TET1: variants seen among roughly 807,000 people sequenced by gnomAD.
TET1 encodes tet methylcytosine dioxygenase 1.
In TET1, 13 loss-of-function variants were observed where a neutral mutation model predicts 148.7. The observed-to-expected ratio is 0.09, with a 90% CI of 0.06 to 0.14. The LOEUF (loss-of-function observed/expected upper bound fraction) is 0.14. Ranked by LOEUF, TET1 falls within the 10% of genes least tolerant of loss-of-function variation. TET1 has a pLI of 1.00. For synonymous variants in TET1, 907 were observed against 937.2 expected, an observed-to-expected ratio of 0.97 and a Z score of 0.59; for missense variants, 2,182 against 2,553.8, an observed-to-expected ratio of 0.85 and a Z score of 3.14.
At chr10:68,600,309 G>C (rs1017532630) in intron 2 of TET1, among the ~76,000 whole-genome samples, 1 of 152,148 alleles carries the variant, frequency 6.6e-6, no homozygotes, top group Non-Finnish European at 1.5e-5. Flanking sequence ...TTACTAATCA[G>C]GAAGGCTCTA....
chr10:68,593,715 C>T (rs1056008601), intron 2 of TET1, among the ~76,000 whole-genome samples: 4 of 151,930 alleles, frequency 2.6e-5, no homozygotes, highest in East Asian at 1.9e-4. Context: ...CAGGTTCAAG[C>T]GATTATCCTG....
At chr10:68,676,262 ATATATATTTTTTTTTTTTT>A (rs2055356835) in intron 8 of TET1, among the ~76,000 whole-genome samples, 1 of 15,486 alleles carries the variant, frequency 6.5e-5, no homozygotes, top group African/African-American at 2.1e-4. Context: ...ATATATATAT[ATATATATTTTTTTTTTTTT>A]TTTTTTTTTT....
chr10:68,661,021 T>G (rs2133151924), intron 6 of TET1, among the ~76,000 whole-genome samples: 2 of 151,282 alleles, frequency 1.3e-5, no homozygotes, highest in African/African-American at 4.8e-5. Context: ...ATATTAGTTG[T>G]TTTTTGTTTT....
At position 68,572,520 on chromosome 10, in the gene TET1, A is replaced by T. The variant is rs1036659017; in HGVS notation, c.182A>T (p.Lys61Ile). The T allele has an allele frequency of 1.2e-6, 2 of 1,613,556 alleles. No homozygotes were observed. ...QLIQERDVKK[K>I]TEPKPPVPVR... is the part of the protein sequence containing the mutation. ...ATTCAAGAAAGAGATGTTAAGAAAA[A>T]AACAGAACCTAAACCACCCGTGCCA... is the stretch of plus-strand genomic sequence containing the variant. Residue 61 changes from lysine to isoleucine, a missense_variant, in exon 2 of 12, where the codon AAA becomes ATA. Transcript: ENST00000373644.
chr10:68,584,704 G>C (rs1015172402), intron 2 of TET1, among the ~76,000 whole-genome samples: 1 of 151,810 alleles, frequency 6.6e-6, no homozygotes, highest in African/African-American at 2.4e-5. Context: ...GTGAGACTCC[G>C]TCTCAGGGAA....
chr10:68,579,859 C>T (rs146766953), intron 2 of TET1, among the ~76,000 whole-genome samples: 335 of 152,238 alleles, frequency 2.2e-3, no homozygotes, highest in African/African-American at 5.5e-3. Context: ...GCCTCAGTCT[C>T]CAGGCCCAAG....
chr10:68,687,200 G>C (rs1293565491), intron 11 of TET1, among the ~76,000 whole-genome samples: 1 of 134,318 alleles, frequency 7.4e-6, no homozygotes, highest in Non-Finnish European at 1.6e-5. Flanking sequence ...ACCGCGCCCG[G>C]CCTACTTATC....
intron 4 of TET1, among the ~76,000 whole-genome samples, chr10:68,648,854 C>G (rs933265550): frequency 2.6e-5 from 4 of 152,118 alleles, no homozygotes; most frequent in African/African-American, 9.7e-5. Flanking sequence ...CTCAAGTGAT[C>G]CTCGTGCCTC....
At chr10:68,599,134 A>T (rs1445405617) in intron 2 of TET1, among the ~76,000 whole-genome samples, 2 of 152,206 alleles carry the variant, frequency 1.3e-5, no homozygotes, top group Non-Finnish European at 2.9e-5. Context: ...AAGGCTAGGG[A>T]TTAAGGGTGA....
rs188366217 is a variant in TET1 at position 68,566,859 on chromosome 10, T to G, written c.-122-5358T>G. ...TTGTATTTTAGAGTTGCAAACAGGC[T>G]TTTTTTTTTTAGCTCCTATTTATGA... On this transcript the variant is annotated intron_variant, in intron 1 of 11. Transcript: ENST00000373644. Among the ~76,000 whole-genome samples, 413 of 125,400 alleles carry G rather than the reference T, an allele frequency of 3.3e-3. 2 individuals are homozygous for G. Among genetic ancestry groups the G allele is most frequent in the African/African-American group, 0.012 (382 of 31,722 alleles). 82.3% of individuals were successfully genotyped at this position (125,400 alleles called of 152,430 possible). A position where few individuals can be genotyped will look rare whatever the true frequency, so the allele number is the denominator to read the frequency against.
intron 11 of TET1, among the ~76,000 whole-genome samples, chr10:68,687,087 C>T (rs968345556): frequency 1.3e-5 from 2 of 151,898 alleles, no homozygotes; most frequent in Non-Finnish European, 2.9e-5. Context: ...CGGGGTTTCA[C>T]CGTGTTAGGC....
intron 3 of TET1, among the ~76,000 whole-genome samples, chr10:68,641,260 T>C (rs781422288): frequency 1.1e-4 from 16 of 152,072 alleles, no homozygotes; most frequent in Non-Finnish European, 1.6e-4. Flanking sequence ...TAGAGTGTAA[T>C]GGCACGATCT....
intron 7 of TET1, among the ~76,000 whole-genome samples, chr10:68,671,815 C>T (rs34073554): frequency 0.097 from 14,796 of 152,150 alleles, 994 homozygotes; most frequent in South Asian, 0.18. Context: ...GAGTCTTGCT[C>T]TGTCACCCAG....
chr10:68,611,432 G>A (rs115677049), intron 3 of TET1, among the ~76,000 whole-genome samples: 1,534 of 152,192 alleles, frequency 0.01, 35 homozygotes, highest in African/African-American at 0.035. Context: ...TGCTATGAGA[G>A]CTCCTGTGAA....
intron 2 of TET1, among the ~76,000 whole-genome samples, chr10:68,596,449 A>G (rs1354277699): frequency 6.6e-6 from 1 of 152,052 alleles, no homozygotes; most frequent in African/African-American, 2.4e-5. Context: ...ATTATTTCAT[A>G]GCTAATATTT....
intron 8 of TET1, among the ~76,000 whole-genome samples, chr10:68,674,165 T>C (rs906498552): frequency 6.6e-6 from 1 of 152,032 alleles, no homozygotes; most frequent in Non-Finnish European, 1.5e-5. Flanking sequence ...GGTTTCACCA[T>C]GTTGGCCAGG....
chr10:68,645,003 T>C lies in TET1; in HGVS notation c.2274T>C (p.Asn758=). 1.2e-6 allele frequency: 2 copies of C among 1,613,722 alleles called. No homozygotes were observed. The highest frequency in any genetic ancestry group is 1.7e-6 in the Non-Finnish European group (2 of 1,179,822). The change falls in exon 4 of 12, where the codon AAT becomes AAC. Residue 758 remains asparagine, a synonymous_variant. Transcript: ENST00000373644. ...SPKLFVQTVR[N]GIKHVHCLPA... ...AATTGTTTGTACAAACCGTAAGAAA[T>C]GGCATTAAACATGTACACTGTTTAC...
At position 68,646,856 on chromosome 10, in the gene TET1, G is replaced by C. The variant is rs2054858246; in HGVS notation, c.4127G>C (p.Cys1376Ser). 2 of 1,614,062 alleles carry C rather than the reference G, an allele frequency of 1.2e-6. No homozygotes were observed. The highest frequency in any genetic ancestry group is 2.7e-5 in the African/African-American group (2 of 74,924). The change falls in exon 4 of 12, where the codon TGT becomes TCT. Residue 1376 changes from cysteine (C) to serine (S), a missense_variant. Physicochemically the swap from Cys to Ser is moderately radical, Grantham distance 112. This residue lies in a region of TET1 where 169 missense variants were observed against 263.7 expected (regional missense o/e 0.64). Coordinates refer to ENST00000373644, the MANE Select transcript of TET1 (RefSeq NM_030625.3). ...VVSTKSEEEV[C>S]SSSFGTSEFS... The stretch of plus-strand genomic sequence containing the variant: ...TCTACCAAAAGTGAAGAGGAAGTCT[G>C]TTCATCCAGTTTTGGAACATCAGAA...
intron 10 of TET1, among the ~76,000 whole-genome samples, chr10:68,684,752 T>C (rs2055487234): frequency 6.6e-6 from 1 of 152,146 alleles, no homozygotes; most frequent in African/African-American, 2.4e-5. Context: ...TTACCATAAT[T>C]TCTATTTTTT....
Sources: gnomAD v4.1 joint callset for allele counts (sites outside exome capture counted in the v4.1 genomes callset) on GRCh38, gnomAD v4.1.1 for gene constraint, gnomAD v4.1.1 regional missense constraint, MANE v1.5 for transcripts, NCBI Gene and HGNC (gene_info 2026-07-23, HGNC 2026-07-21) for gene names.